The following ZYG11B variants were observed in gnomAD, a reference collection of about 807,000 sequenced individuals.
ZYG11B encodes the protein zyg-11 family member B, cell cycle regulator.
A neutral mutation model predicts 82.4 loss-of-function variants in ZYG11B; 36 were observed. The observed-to-expected ratio is 0.44, with a 90% CI of 0.33 to 0.58. The LOEUF is 0.58. Ranked by LOEUF, ZYG11B falls within the 20% of genes least tolerant of loss-of-function variation. The pLI is 0.02. For missense variants in ZYG11B, 552 were observed against 895.6 expected, an observed-to-expected ratio of 0.62 and a Z score of 4.90; for synonymous variants, 303 against 312.8, an observed-to-expected ratio of 0.97 and a Z score of 0.33.
chr1:52,728,846 G>GA (rs1644305504), intron 1 of ZYG11B, among the ~76,000 whole-genome samples: 1 of 146,132 alleles, frequency 6.8e-6, no homozygotes, highest in East Asian at 2.2e-4. Context: ...AAGTAGAAAG[G>GA]ATCCCCTCAC....
chr1:52,759,363 A>AAC (rs1644607307), intron 2 of ZYG11B, among the ~76,000 whole-genome samples: 1 of 152,252 alleles, frequency 6.6e-6, no homozygotes, highest in Non-Finnish European at 1.5e-5. Flanking sequence ...AGTAGTAGTT[A>AAC]ACATTTATTA....
At chr1:52,803,177 T>C (rs1304552466) in intron 10 of ZYG11B, among the ~76,000 whole-genome samples, 14 of 82,070 alleles carry the variant, frequency 1.7e-4, no homozygotes, top group African/African-American at 1.2e-3. Flanking sequence ...TACACACATA[T>C]ATATATATAT....
At chr1:52,731,554 G>A (rs1331882998) in intron 1 of ZYG11B, among the ~76,000 whole-genome samples, 1 of 152,102 alleles carries the variant, frequency 6.6e-6, no homozygotes, top group Non-Finnish European at 1.5e-5. Flanking sequence ...CATTGATAAA[G>A]AGATGATTTT....
chr1:52,790,546 C>G (rs1644947360), intron 6 of ZYG11B, among the ~76,000 whole-genome samples: 1 of 151,620 alleles, frequency 6.6e-6, no homozygotes. Context: ...CTGGTGAAAC[C>G]CTGTCTCTAC....
intron 1 of ZYG11B, 151 bp downstream of exon 1, chr1:52,726,834 G>A: frequency 1.4e-6 from 1 of 704,628 alleles, no homozygotes; most frequent in Non-Finnish European, 2.1e-6. Context: ...CCCCCTCGGT[G>A]TTCAGCTCCT....
chr1:52,770,072 CTATA>C (rs781732048), intron 2 of ZYG11B, among the ~76,000 whole-genome samples: 93 of 113,028 alleles, frequency 8.2e-4, no homozygotes, highest in East Asian at 3.1e-3. Flanking sequence ...GCTGTAACTA[CTATA>C]TATATATATA....
At chr1:52,778,642 A>G (rs182341489) in intron 3 of ZYG11B, among the ~76,000 whole-genome samples, 5 of 152,208 alleles carry the variant, frequency 3.3e-5, no homozygotes, top group African/African-American at 1.2e-4. Context: ...CTATCAATTC[A>G]TTGGGGATTA....
At chr1:52,751,236 G>A (rs1222885004) in intron 1 of ZYG11B, among the ~76,000 whole-genome samples, 2 of 151,508 alleles carry the variant, frequency 1.3e-5, no homozygotes, top group African/African-American at 4.8e-5. Context: ...CAAAGTACTG[G>A]GATTACAATT....
intron 3 of ZYG11B, among the ~76,000 whole-genome samples, chr1:52,777,607 A>G (rs1644820765): frequency 6.6e-6 from 1 of 151,840 alleles, no homozygotes; most frequent in Non-Finnish European, 1.5e-5. Flanking sequence ...CACGTAACTA[A>G]TTTTTCTTTT....
intron 1 of ZYG11B, among the ~76,000 whole-genome samples, 165 bp downstream of exon 1, chr1:52,726,848 T>C (rs1571732881): frequency 1.3e-5 from 2 of 151,736 alleles, no homozygotes; most frequent in African/African-American, 4.8e-5. Context: ...AGCTCCTCCT[T>C]CCCCATTCAC....
At chr1:52,821,304 T>TA in intron 13 of ZYG11B, 135 bp from the exon 14 acceptor site, 1 of 768,838 alleles carries the variant, frequency 1.3e-6, no homozygotes, top group Non-Finnish European at 2.0e-6. Flanking sequence ...TATCAAGCTG[T>TA]AGCATGTTAG....
chr1:52,789,504 T>C (rs1228715738), intron 5 of ZYG11B, among the ~76,000 whole-genome samples: 2 of 152,224 alleles, frequency 1.3e-5, no homozygotes, highest in Admixed American at 1.3e-4. Flanking sequence ...TATTCATATT[T>C]TCATTTACTC....
At chr1:52,797,196 AATT>A (rs1369144343) in intron 8 of ZYG11B, among the ~76,000 whole-genome samples, 4 of 72,360 alleles carry the variant, frequency 5.5e-5, no homozygotes, top group Admixed American at 2.7e-4. Flanking sequence ...ATTATATATA[AATT>A]ATTTATATAT....
intron 10 of ZYG11B, among the ~76,000 whole-genome samples, chr1:52,807,013 C>T (rs895176027): frequency 5.5e-4 from 83 of 152,034 alleles, no homozygotes; most frequent in African/African-American, 1.8e-3. Flanking sequence ...GGATTACAGG[C>T]GCCTGCCTCT....
Position 52,813,669 on chromosome 1 carries a change from T to C in ZYG11B, c.1829T>C (p.Ile610Thr). 1 of 1,614,182 alleles carries C rather than the reference T, an allele frequency of 6.2e-7. No individual in the cohort carries two copies. The highest frequency in any genetic ancestry group is 1.1e-5 in the South Asian group (1 of 91,088). Reference sequence around the variant, plus strand: ...GCAGCTGGAATTATTGCCCATTTAATATCCAGAGGTGAACAAGCTTGGACA... The same window carrying C: ...GCAGCTGGAATTATTGCCCATTTAACATCCAGAGGTGAACAAGCTTGGACA... ...YFAAGIIAHL[I>T]SRGEQAWTLS... The change falls in exon 11 of 14, where the codon ATA (isoleucine) becomes ACA (threonine). Residue 610 changes from isoleucine (I) to threonine (T), a missense_variant. This residue lies in a region of ZYG11B where 127 missense variants were observed against 163.4 expected (regional missense o/e 0.78). Transcript: ENST00000294353.
At chr1:52,816,727 A>G (rs778353834) in intron 13 of ZYG11B, 98 bp downstream of exon 13, 61 of 839,898 alleles carry the variant, frequency 7.3e-5, no homozygotes, top group Admixed American at 4.8e-4. Context: ...AGTGATTTTT[A>G]AGAACACTGA....
chr1:52,813,992 A>G (rs1344364689), intron 12 of ZYG11B, 80 bp downstream of exon 12: 1 of 1,363,956 alleles, frequency 7.3e-7, no homozygotes, highest in Admixed American at 2.0e-5. Flanking sequence ...CTAGATGCAT[A>G]ATTTTTCCCT....
chr1:52,771,418 A>C lies in ZYG11B; in HGVS notation c.595A>C (p.Thr199Pro). Residue 199 changes from threonine to proline, a missense_variant, in exon 3 of 14, where the codon ACA becomes CCA. This residue lies in a region of ZYG11B where 359 missense variants were observed against 555.8 expected (regional missense o/e 0.65). Transcript: ENST00000294353. The surrounding 1 kb of genome is among the most constrained non-coding windows in gnomAD (Gnocchi z 5.4). ...CTTGGATATTTCTAACACCTCAATC[A>C]CAGACATCACTGCTCTACTGGCCTG... ...ESLDISNTSITDITALLACKD... is the reference protein window; with the variant it reads ...ESLDISNTSIPDITALLACKD... 1 of 1,614,106 alleles carries C rather than the reference A, an allele frequency of 6.2e-7. No individual in the cohort carries two copies. The highest frequency in any genetic ancestry group is 8.5e-7 in the Non-Finnish European group (1 of 1,180,042).
chr1:52,777,201 C>A (rs1205942517), intron 3 of ZYG11B, among the ~76,000 whole-genome samples: 2 of 151,690 alleles, frequency 1.3e-5, no homozygotes, highest in African/African-American at 2.4e-5. Context: ...CAGAGCAAGA[C>A]CGTATCTCAA....
Sources: allele counts gnomAD v4.1 joint callset (sites outside exome capture counted in the v4.1 genomes callset), GRCh38; gene constraint gnomAD v4.1.1; regional missense constraint gnomAD v4.1.1; non-coding constraint Gnocchi (gnomAD v3.1); transcripts MANE v1.5; gene names NCBI Gene and HGNC (gene_info 2026-07-23, HGNC 2026-07-21).